The following TRPC4 variants were observed in gnomAD, a reference collection of about 807,000 sequenced individuals.
The protein encoded by TRPC4 is short transient receptor potential channel 4.
In TRPC4, 49 loss-of-function variants were observed where a neutral mutation model predicts 99.4. The ratio of observed to expected loss-of-function variants is 0.49; its 90% CI spans 0.39 to 0.63. The LOEUF (loss-of-function observed/expected upper bound fraction) is 0.63, where lower values mean the gene tolerates loss of function less well. TRPC4 is among the 20% of genes least tolerant of loss of function. TRPC4 has a pLI of 0.00. For missense variants in TRPC4, 898 were observed against 1,152.9 expected (o/e 0.78, Z 3.20); for synonymous variants, 454 against 425.9 (o/e 1.07, Z -0.81).
At chr13:37,766,459 T>C (rs1198932382) in intron 2 of TRPC4, among the ~76,000 whole-genome samples, 1 of 151,464 alleles carries the variant, frequency 6.6e-6, no homozygotes, top group Non-Finnish European at 1.5e-5. Context: ...AATTTGATTA[T>C]TTTAGAAAAT....
In TRPC4 at chr13:37,692,342, A is replaced by G. The variant is rs1351357084; in HGVS notation, c.898-7T>C. 2 of 1,605,754 alleles carry G rather than the reference A, an allele frequency of 1.2e-6. No individual in the cohort carries two copies. The highest frequency in any genetic ancestry group is 1.7e-6 in the Non-Finnish European group (2 of 1,174,976). On this transcript the variant is annotated splice_polypyrimidine_tract_variant and splice_region_variant and intron_variant, in intron 3 of 10. Transcript: ENST00000379705. ...AATTGGGCTGGGCAACAAACTAAACAGAAGGGAAAGGAAAAGGAAAAATAA... is the reference window on the plus strand; with the variant it reads ...AATTGGGCTGGGCAACAAACTAAACGGAAGGGAAAGGAAAAGGAAAAATAA...
At chr13:37,673,350 G>A (rs1018340700) in intron 5 of TRPC4, among the ~76,000 whole-genome samples, 1 of 152,030 alleles carries the variant, frequency 6.6e-6, no homozygotes, top group Non-Finnish European at 1.5e-5. Context: ...CACAGAAGCA[G>A]AAGGCATTAT....
At chr13:37,802,350 T>C (rs1473268925) in intron 1 of TRPC4, among the ~76,000 whole-genome samples, 1 of 152,156 alleles carries the variant, frequency 6.6e-6, no homozygotes, top group Admixed American at 6.6e-5. Flanking sequence ...GATACCACAT[T>C]GCATTAGTCA....
At chr13:37,705,023 A>G (rs1000015292) in intron 3 of TRPC4, among the ~76,000 whole-genome samples, 1 of 152,140 alleles carries the variant, frequency 6.6e-6, no homozygotes, top group Non-Finnish European at 1.5e-5. Flanking sequence ...AGTATTCACA[A>G]TAATCAAGAT....
rs1593404265 is a variant in TRPC4 at position 37,637,316 on chromosome 13, C to T, written c.2521G>A (p.Asp841Asn). The T allele has an allele frequency of 1.4e-5, 23 of 1,613,594 alleles. No homozygotes were observed. Among genetic ancestry groups the T allele is most frequent in the African/African-American group, 2.7e-5 (2 of 74,850 alleles). ...EKQRKVNFVT[D>N]IKNFGLFHRR... ...TGAAATAACCCAAAGTTTTTGATATCGGTCACAAAATTCACTTTTCTCTGC... is the reference window on the plus strand; with the variant it reads ...TGAAATAACCCAAAGTTTTTGATATTGGTCACAAAATTCACTTTTCTCTGC... The change falls in exon 11 of 11, where the codon GAT becomes AAT. Residue 841 changes from aspartate (D) to asparagine (N), a missense_variant. Asp to Asn is a conservative substitution (Grantham distance 23). This residue lies in a region of TRPC4 where 346 missense variants were observed against 351.4 expected (regional missense o/e 0.98). Transcript: ENST00000379705.
At position 37,639,363 on chromosome 13, in the gene TRPC4, T is replaced by A. The variant is rs1951643157; in HGVS notation, c.2080-64A>T. On this transcript the variant is annotated intron_variant, in intron 8 of 10. Transcript: ENST00000379705. ...TATATTACTATTCTAAAAAATAATT[T>A]ATTTTTTTAATCGATAATGTTTTTA... 2.0e-6 allele frequency: 3 copies of A among 1,484,848 alleles called. No individual in the cohort carries two copies. In the African/African-American group the frequency reaches 4.3e-5, roughly 21 times the overall value. The allele number at this position is 1,484,848 out of a possible 1,614,324, so 92.0% of individuals were successfully genotyped here. A position where few individuals can be genotyped will look rare whatever the true frequency, so the allele number is the denominator to read the frequency against.
chr13:37,851,783 T>C (rs1959065261), intron 1 of TRPC4, among the ~76,000 whole-genome samples: 1 of 152,138 alleles, frequency 6.6e-6, no homozygotes. Flanking sequence ...CCCTCCCCTA[T>C]CCTATGGCAG....
intron 1 of TRPC4, among the ~76,000 whole-genome samples, chr13:37,790,352 AAGG>A (rs1439577886): frequency 6.6e-6 from 1 of 152,176 alleles, no homozygotes; most frequent in African/African-American, 2.4e-5. Context: ...AAATATTCTA[AAGG>A]AGGAGGGAAA....
At chr13:37,733,046 G>A (rs1002258010) in intron 3 of TRPC4, among the ~76,000 whole-genome samples, 7 of 152,324 alleles carry the variant, frequency 4.6e-5, no homozygotes, top group African/African-American at 1.7e-4. Flanking sequence ...GCCAAGGTGG[G>A]TGGATTGCTT....
intron 3 of TRPC4, among the ~76,000 whole-genome samples, chr13:37,715,698 C>T (rs1173827932): frequency 6.6e-6 from 1 of 152,108 alleles, no homozygotes; most frequent in Admixed American, 6.5e-5. Flanking sequence ...TTTTTCTGGA[C>T]ACCGCATCCG....
At chr13:37,696,439 A>G (rs982437830) in intron 3 of TRPC4, among the ~76,000 whole-genome samples, 5 of 152,360 alleles carry the variant, frequency 3.3e-5, no homozygotes, top group Non-Finnish European at 5.9e-5. Context: ...ACTTTGAATC[A>G]GATTTACTGT....
chr13:37,637,727 A>G, intron 10 of TRPC4, 102 bp from the exon 11 acceptor site: 1 of 1,140,896 alleles, frequency 8.8e-7, no homozygotes, highest in East Asian at 2.5e-5. Context: ...ACTCCTTTTT[A>G]AAAACAAGGA....
intron 1 of TRPC4, among the ~76,000 whole-genome samples, chr13:37,811,230 C>CA (rs1957676671): frequency 6.6e-6 from 1 of 151,912 alleles, no homozygotes; most frequent in African/African-American, 2.4e-5. Context: ...CAACATATGC[C>CA]AAAATACAAA....
intron 8 of TRPC4, among the ~76,000 whole-genome samples, chr13:37,648,104 A>G (rs1267018794): frequency 2.6e-5 from 4 of 151,982 alleles, no homozygotes; most frequent in South Asian, 4.2e-4. Context: ...CACCACGCGC[A>G]GCTAATTTTT....
chr13:37,845,661 G>T (rs1399009712), intron 1 of TRPC4, among the ~76,000 whole-genome samples: 2 of 151,608 alleles, frequency 1.3e-5, no homozygotes, highest in Non-Finnish European at 2.9e-5. Context: ...AGGGTCTATA[G>T]GAATTATGGA....
chr13:37,632,932 G>A lies in TRPC4; in HGVS notation c.*3971C>T, dbSNP rs1951425400. Reference sequence around the variant, plus strand: ...AGACAAAATGTTCCCCAAATAAAAAGTCAGTGGTCAAGGCATTTATAATGT... The same window carrying A: ...AGACAAAATGTTCCCCAAATAAAAAATCAGTGGTCAAGGCATTTATAATGT... On this transcript the variant is annotated 3_prime_UTR_variant, in exon 11 of 11. Transcript: ENST00000379705. Among the ~76,000 whole-genome samples the A allele has an allele frequency of 6.6e-6, 1 of 152,116 alleles. No homozygotes were observed. The highest frequency in any genetic ancestry group is 1.5e-5 in the Non-Finnish European group (1 of 68,024).
chr13:37,840,319 T>C (rs1958697439), intron 1 of TRPC4, among the ~76,000 whole-genome samples: 1 of 152,124 alleles, frequency 6.6e-6, no homozygotes, highest in South Asian at 2.1e-4. Context: ...CAAAGATGTG[T>C]TTGAAAGAGT....
intron 1 of TRPC4, among the ~76,000 whole-genome samples, chr13:37,819,829 TAAA>T: frequency 7.5e-6 from 1 of 133,804 alleles, no homozygotes; most frequent in African/African-American, 2.7e-5. Context: ...AAATGAAAGT[TAAA>T]AAAAAAAACA....
chr13:37,691,873 G>C lies in TRPC4; in HGVS notation c.1234+126C>G, dbSNP rs937377220. ...TTTGGCTTTGGGGGTGAGGTTCTTG[G>C]AGCTACAATAGTCAGAACCTATTCT... On this transcript the variant is annotated intron_variant, in intron 4 of 10. Coordinates refer to ENST00000379705, the MANE Select transcript of TRPC4 (RefSeq NM_016179.4). The C allele has an allele frequency of 1.1e-5, 10 of 921,460 alleles. No homozygotes were observed. The East Asian group carries it at 2.6e-4, about 24-fold the overall frequency. The allele number at this position is 921,460 out of a possible 1,614,324, so 57.1% of individuals were successfully genotyped here. A position where few individuals can be genotyped will look rare whatever the true frequency, so the allele number is the denominator to read the frequency against.
Sources: allele counts gnomAD v4.1 joint callset (sites outside exome capture counted in the v4.1 genomes callset), GRCh38; gene constraint gnomAD v4.1.1; regional missense constraint gnomAD v4.1.1; transcripts MANE v1.5; gene names NCBI Gene and HGNC (gene_info 2026-07-23, HGNC 2026-07-21).